EHMT1: variants seen among roughly 807,000 people sequenced by gnomAD.
EHMT1 encodes the protein histone-lysine N-methyltransferase EHMT1.
A neutral mutation model predicts 147.2 loss-of-function variants in EHMT1; 15 were observed. The observed-to-expected ratio is 0.10, with a 90% CI of 0.07 to 0.16. EHMT1 has a LOEUF of 0.16. EHMT1 is among the 10% of genes least tolerant of loss of function. The pLI, the probability that EHMT1 is intolerant of heterozygous loss-of-function variation, is 1.00. For synonymous variants in EHMT1, 795 were observed against 709.6 expected, an observed-to-expected ratio of 1.12 and a Z score of -1.91; for missense variants, 1,587 against 1,772.4, an observed-to-expected ratio of 0.90 and a Z score of 1.88.
intron 1 of EHMT1, among the ~76,000 whole-genome samples, chr9:137,689,136 A>G (rs978964415): frequency 2.6e-5 from 4 of 152,186 alleles, no homozygotes; most frequent in Non-Finnish European, 5.9e-5. Context: ...TACACTGGAA[A>G]GGATTTTATT....
At chr9:137,742,614 T>G (rs1344421417) in intron 4 of EHMT1, among the ~76,000 whole-genome samples, 2 of 152,174 alleles carry the variant, frequency 1.3e-5, no homozygotes, top group East Asian at 3.8e-4. Flanking sequence ...TTGTTCAGAA[T>G]GGGGTTGGGA....
chr9:137,698,099 C>T (rs1052017931), intron 1 of EHMT1, among the ~76,000 whole-genome samples: 2 of 151,570 alleles, frequency 1.3e-5, no homozygotes, highest in African/African-American at 4.9e-5. Context: ...GGCTTTCACT[C>T]CAGCCTCCTG....
chr9:137,810,086 C>T (rs1428183408), intron 18 of EHMT1, among the ~76,000 whole-genome samples: 5 of 134,462 alleles, frequency 3.7e-5, no homozygotes, highest in South Asian at 2.3e-4. Flanking sequence ...GGAGGCGGTT[C>T]GGATGCCGCC....
chr9:137,687,420 T>C (rs1015844763), intron 1 of EHMT1, among the ~76,000 whole-genome samples: 7 of 151,954 alleles, frequency 4.6e-5, no homozygotes, highest in African/African-American at 1.7e-4. Flanking sequence ...AGAGTTTAGG[T>C]GGAGGAGTTG....
chr9:137,657,788 T>G (rs1415826299), intron 1 of EHMT1, among the ~76,000 whole-genome samples: 1 of 151,984 alleles, frequency 6.6e-6, no homozygotes, highest in Non-Finnish European at 1.5e-5. Context: ...CATGAACCAT[T>G]TCTACCCCCA....
At chr9:137,717,278 G>C (rs1357695152) in intron 3 of EHMT1, 96 bp downstream of exon 3, 1 of 1,477,178 alleles carries the variant, frequency 6.8e-7, no homozygotes, top group African/African-American at 1.4e-5. Flanking sequence ...AAGCCAGTAA[G>C]TGTCAGTGGT....
At position 137,728,360 on chromosome 9, in the gene EHMT1, T is replaced by G; in HGVS notation, c.654T>G (p.Ser218Arg). The G allele has an allele frequency of 6.2e-7, 1 of 1,614,194 alleles. No individual in the cohort carries two copies. The highest frequency in any genetic ancestry group is 8.5e-7 in the Non-Finnish European group (1 of 1,180,032). Residue 218 changes from serine (S) to arginine (R), a missense_variant, in exon 4 of 27, where the codon AGT (serine) becomes AGG (arginine). Coordinates refer to ENST00000460843, the MANE Select transcript of EHMT1 (RefSeq NM_024757.5). ...PKSVVGLHAA[S>R]KDPREVREAR... is the part of the protein sequence containing the mutation. ...TCTTTGTTTTGAAGCATGCAGCCAG[T>G]AAAGATCCCAGAGAAGTTCGAGAAG...
intron 1 of EHMT1, among the ~76,000 whole-genome samples, chr9:137,652,294 A>G (rs1420035828): frequency 6.6e-6 from 1 of 152,002 alleles, no homozygotes; most frequent in Non-Finnish European, 1.5e-5. Flanking sequence ...AGGTCTTGCT[A>G]TGTTGCCCAA....
At chr9:137,717,357 C>CT in intron 3 of EHMT1, 175 bp downstream of exon 3, 1 of 835,978 alleles carries the variant, frequency 1.2e-6, no homozygotes. Flanking sequence ...TATCGCAGCA[C>CT]TTTGGGAGGC....
intron 1 of EHMT1, chr9:137,646,475 C>T (rs745973911): frequency 2.5e-5 from 25 of 980,606 alleles, no homozygotes; most frequent in South Asian, 4.7e-5. Context: ...GGAGTGCTCC[C>T]GTTTTGTGGG....
At chr9:137,779,555 G>A (rs1185700978) in intron 13 of EHMT1, 80 bp from the exon 14 acceptor site, 9 of 1,485,422 alleles carry the variant, frequency 6.1e-6, no homozygotes, top group Non-Finnish European at 8.4e-6. Context: ...GTGGGGAGAT[G>A]TCCGCCGGGC....
At chr9:137,758,897 GT>G (rs1486405621) in intron 9 of EHMT1, among the ~76,000 whole-genome samples, 1 of 152,170 alleles carries the variant, frequency 6.6e-6, no homozygotes, top group African/African-American at 2.4e-5. Context: ...GGAGGCCGAG[GT>G]GGGCAGATCA....
At chr9:137,631,611 C>G (rs1843636238) in intron 1 of EHMT1, among the ~76,000 whole-genome samples, 1 of 151,952 alleles carries the variant, frequency 6.6e-6, no homozygotes, top group South Asian at 2.1e-4. Flanking sequence ...CGTGGTGGCT[C>G]ACACCTGTAA....
At chr9:137,685,613 C>G (rs1418497927) in intron 1 of EHMT1, among the ~76,000 whole-genome samples, 1 of 152,138 alleles carries the variant, frequency 6.6e-6, no homozygotes, top group Non-Finnish European at 1.5e-5. Flanking sequence ...TGTGGTACTT[C>G]TGTGTTTAAC....
chr9:137,751,818 G>A (rs1427915860), intron 6 of EHMT1, among the ~76,000 whole-genome samples: 51 of 152,198 alleles, frequency 3.4e-4, no homozygotes, highest in Admixed American at 3.3e-3. Flanking sequence ...GATGTTCACT[G>A]GAAGGAGGCG....
chr9:137,636,607 G>A (rs1589066850), intron 1 of EHMT1, among the ~76,000 whole-genome samples: 1 of 151,944 alleles, frequency 6.6e-6, no homozygotes. Flanking sequence ...ATTATAAAGG[G>A]GTTTTGGATT....
intron 1 of EHMT1, among the ~76,000 whole-genome samples, chr9:137,704,216 A>C (rs1006907235): frequency 2.0e-5 from 3 of 152,162 alleles, no homozygotes; most frequent in African/African-American, 7.2e-5. Flanking sequence ...TTTGGTGGGG[A>C]CACAGAGCCA....
chr9:137,750,263 C>G lies in EHMT1; in HGVS notation c.1171-2068C>G, dbSNP rs113160706. Among the ~76,000 whole-genome samples the G allele has an allele frequency of 7.3e-4, 111 of 152,004 alleles. 1 individual carries two copies. Among genetic ancestry groups the G allele is most frequent in the Non-Finnish European group, 1.2e-3 (79 of 67,956 alleles). On this transcript the variant is annotated intron_variant, in intron 6 of 26. Transcript: ENST00000460843. ...CTAGGGATATTTTTAAAGATTTTCT[C>G]TAGAAAATTTCAAGCTGCACAAACA... is the stretch of plus-strand genomic sequence containing the variant.
intron 1 of EHMT1, among the ~76,000 whole-genome samples, chr9:137,680,680 T>C (rs1422993456): frequency 6.6e-6 from 1 of 152,180 alleles, no homozygotes; most frequent in East Asian, 1.9e-4. Flanking sequence ...AGTTGGAAAT[T>C]AGATACTGCA....
Sources: allele counts gnomAD v4.1 joint callset (sites outside exome capture counted in the v4.1 genomes callset), GRCh38; gene constraint gnomAD v4.1.1; transcripts MANE v1.5; gene names NCBI Gene and HGNC (gene_info 2026-07-23, HGNC 2026-07-21).